The following KCNJ12 variants were observed in gnomAD, a reference collection of about 807,000 sequenced individuals.
KCNJ12 encodes the protein ATP-sensitive inward rectifier potassium channel 12.
In KCNJ12, 2 loss-of-function variants were observed where a neutral mutation model predicts 22.3. The observed-to-expected ratio is 0.09, with a 90% CI of 0.04 to 0.28. KCNJ12 has a LOEUF of 0.28. KCNJ12 is among the 10% of genes least tolerant of loss of function. The pLI, the probability that KCNJ12 is intolerant of heterozygous loss-of-function variation, is 1.00. For synonymous variants in KCNJ12, 117 were observed against 261.4 expected, an observed-to-expected ratio of 0.45 and a Z score of 5.33; for missense variants, 155 against 633.3, an observed-to-expected ratio of 0.24 and a Z score of 8.11.
chr17:21,384,106 A>G (rs1904988840), intron 1 of KCNJ12, among the ~76,000 whole-genome samples: 1 of 152,144 alleles, frequency 6.6e-6, no homozygotes, highest in Non-Finnish European at 1.5e-5. Flanking sequence ...AAATGGAGGC[A>G]TAGAAACGTG....
At chr17:21,387,649 A>G (rs1284505400) in intron 1 of KCNJ12, among the ~76,000 whole-genome samples, 1 of 151,764 alleles carries the variant, frequency 6.6e-6, no homozygotes, top group African/African-American at 2.4e-5. Flanking sequence ...GGGAGATGAC[A>G]CCTTTTATTA....
intron 1 of KCNJ12, among the ~76,000 whole-genome samples, chr17:21,390,595 G>A (rs1905186617): frequency 6.6e-6 from 1 of 152,318 alleles, no homozygotes; most frequent in South Asian, 2.1e-4. Context: ...GGGTCTGGAG[G>A]CTGCAGCAGC....
At chr17:21,409,520 G>C (rs1906196366) in intron 2 of KCNJ12, among the ~76,000 whole-genome samples, 1 of 152,310 alleles carries the variant, frequency 6.6e-6, no homozygotes, top group Non-Finnish European at 1.5e-5. Context: ...TACAGTTACT[G>C]CTGGGGCACT....
intron 1 of KCNJ12, among the ~76,000 whole-genome samples, chr17:21,399,865 ATC>A (rs1905510540): frequency 6.6e-6 from 1 of 152,166 alleles, no homozygotes; most frequent in African/African-American, 2.4e-5. Flanking sequence ...TCTTGCCTCT[ATC>A]AAAAGAAACT....
Position 21,419,177 on chromosome 17 carries a change from G to A in KCNJ12, c.*2533G>A, listed in dbSNP as rs1555563390. The A allele has an allele frequency of 1.2e-5, 2 of 167,028 alleles. No individual in the cohort carries two copies. The highest frequency in any genetic ancestry group is 2.4e-5 in the African/African-American group (1 of 41,418). The allele number at this position is 167,028 out of a possible 1,614,324, so 10.3% of individuals were successfully genotyped here. ...GCGAGGAAGACTTGGCCCCTGGGGA[G>A]TGTGTGTGTGGAGGCGTGTGCCTGT... On this transcript the variant is annotated 3_prime_UTR_variant, in exon 3 of 3. Transcript: ENST00000583088.
intron 1 of KCNJ12, among the ~76,000 whole-genome samples, chr17:21,402,211 A>G: frequency 6.6e-6 from 1 of 152,286 alleles, no homozygotes; most frequent in Non-Finnish European, 1.5e-5. Flanking sequence ...TACAGTTCCC[A>G]CTTGAAGGAG....
At chr17:21,392,123 G>A (rs1905225762) in intron 1 of KCNJ12, among the ~76,000 whole-genome samples, 1 of 152,172 alleles carries the variant, frequency 6.6e-6, no homozygotes, top group Admixed American at 6.5e-5. Context: ...TGACTTCGAG[G>A]GAGGTGGTCA....
At position 21,419,424 on chromosome 17, in the gene KCNJ12, C is replaced by G. The variant is rs111484179; in HGVS notation, c.*2780C>G. ...CCACCCATCAGGTTGGGCACTGGCACAGGTGAACCCCACAGTCCCCGACCC... is the reference window on the plus strand; with the variant it reads ...CCACCCATCAGGTTGGGCACTGGCAGAGGTGAACCCCACAGTCCCCGACCC... On this transcript the variant is annotated 3_prime_UTR_variant, in exon 3 of 3. Transcript: ENST00000583088. 2 of 167,040 alleles carry G rather than the reference C, an allele frequency of 1.2e-5. No individual in the cohort carries two copies. Among genetic ancestry groups the G allele is most frequent in the Non-Finnish European group, 2.9e-5 (2 of 68,130 alleles). 10.3% of individuals were successfully genotyped at this position (167,040 alleles called of 1,614,324 possible).
rs1567709028 is a variant in KCNJ12 at position 21,416,397 on chromosome 17, C to T, written c.1055C>T (p.Pro352Leu). Residue 352 changes from proline to leucine, a missense_variant, in exon 3 of 3, where the codon CCC becomes CTC. Coordinates refer to ENST00000583088, the MANE Select transcript of KCNJ12 (RefSeq NM_021012.5). ...YSHFHKTYEVPSTPRCSAKDL... is the reference protein window; with the variant it reads ...YSHFHKTYEVLSTPRCSAKDL... ...CACTTCCACAAGACCTATGAGGTGC[C>T]CTCTACGCCCCGCTGCAGTGCGAAG... The T allele has an allele frequency of 1.2e-6, 2 of 1,613,872 alleles. No homozygotes were observed. The highest frequency in any genetic ancestry group is 1.7e-6 in the Non-Finnish European group (2 of 1,180,004).
At chr17:21,400,411 C>T (rs1166816313) in intron 1 of KCNJ12, among the ~76,000 whole-genome samples, 2 of 152,308 alleles carry the variant, frequency 1.3e-5, no homozygotes, top group African/African-American at 2.4e-5. Flanking sequence ...CACAGTCCCT[C>T]CTGTAGCCGG....
At chr17:21,385,320 T>C (rs1299620484) in intron 1 of KCNJ12, among the ~76,000 whole-genome samples, 1 of 152,226 alleles carries the variant, frequency 6.6e-6, no homozygotes, top group African/African-American at 2.4e-5. Context: ...AGCCTCACTT[T>C]CCATGTTTGT....
At chr17:21,410,351 C>T (rs1353337206) in intron 2 of KCNJ12, among the ~76,000 whole-genome samples, 1 of 152,266 alleles carries the variant, frequency 6.6e-6, no homozygotes, top group Non-Finnish European at 1.5e-5. Flanking sequence ...AGTGCTGCAT[C>T]TGATGAATGG....
chr17:21,388,443 G>T (rs1905130180), intron 1 of KCNJ12, among the ~76,000 whole-genome samples: 1 of 152,208 alleles, frequency 6.6e-6, no homozygotes. Flanking sequence ...CCCTCTGGAG[G>T]TGGGTGTAGG....
intron 1 of KCNJ12, among the ~76,000 whole-genome samples, chr17:21,397,280 C>T (rs1905398019): frequency 6.6e-6 from 1 of 152,186 alleles, no homozygotes; most frequent in South Asian, 2.1e-4. Flanking sequence ...GGTAACATCC[C>T]TGTAGCTGCG....
At chr17:21,399,730 C>T (rs932888643) in intron 1 of KCNJ12, among the ~76,000 whole-genome samples, 1 of 152,186 alleles carries the variant, frequency 6.6e-6, no homozygotes, top group Non-Finnish European at 1.5e-5. Context: ...CCAGGGCCAA[C>T]GTGCGTGGTC....
chr17:21,415,244 G>A lies in KCNJ12; in HGVS notation c.-56-43G>A, dbSNP rs1480511131. 61 of 1,526,952 alleles carry A rather than the reference G, an allele frequency of 4.0e-5. No homozygotes were observed. In the Middle Eastern group the frequency reaches 6.7e-4, roughly 17 times the overall value. The allele number at this position is 1,526,952 out of a possible 1,614,324, so 94.6% of individuals were successfully genotyped here. A position where few individuals can be genotyped will look rare whatever the true frequency, so the allele number is the denominator to read the frequency against. ...CCCTGGGATGGGGGTAGAGGAGCCCGGAGCCACCAGCCCAGCCAGACATGC... is the reference window on the plus strand; with the variant it reads ...CCCTGGGATGGGGGTAGAGGAGCCCAGAGCCACCAGCCCAGCCAGACATGC... On this transcript the variant is annotated intron_variant, in intron 2 of 2. Transcript: ENST00000583088.
intron 1 of KCNJ12, among the ~76,000 whole-genome samples, chr17:21,393,443 C>T (rs991930508): frequency 1.3e-5 from 2 of 152,150 alleles, no homozygotes; most frequent in African/African-American, 2.4e-5. Flanking sequence ...CTGGCTTCTG[C>T]GTGCGCCCTC....
At chr17:21,384,930 G>A (rs984816155) in intron 1 of KCNJ12, among the ~76,000 whole-genome samples, 1 of 151,944 alleles carries the variant, frequency 6.6e-6, no homozygotes, top group African/African-American at 2.4e-5. Context: ...CCACCACCGC[G>A]CCCGGCTAAT....
intron 2 of KCNJ12, 81 bp from the exon 3 acceptor site, chr17:21,415,206 T>C: frequency 1.4e-6 from 2 of 1,405,482 alleles, no homozygotes; most frequent in Non-Finnish European, 1.9e-6. Context: ...CGTCCTCCAG[T>C]CACGTCTGGG....
Sources: allele counts gnomAD v4.1 joint callset (sites outside exome capture counted in the v4.1 genomes callset), GRCh38; gene constraint gnomAD v4.1.1; transcripts MANE v1.5; gene names NCBI Gene and HGNC (gene_info 2026-07-23, HGNC 2026-07-21).